The following ARL5A variants were observed in gnomAD, a reference collection of about 807,000 sequenced individuals.
ARL5A encodes ARF like GTPase 5A.
In ARL5A, 18 loss-of-function variants were observed where a neutral mutation model predicts 25.9. That is an observed-to-expected ratio of 0.69 (90% confidence interval 0.48 to 1.03). The LOEUF is 1.03. ARL5A is among the 50% of genes least tolerant of loss of function. The probability of loss-of-function intolerance (pLI) is 0.00; values close to 1 mark genes in which losing one functional copy is unlikely to be tolerated. For missense variants in ARL5A, 170 were observed against 211.9 expected (o/e 0.80, Z 1.23); for synonymous variants, 61 against 67.5 (o/e 0.90, Z 0.47).
Position 151,802,798 on chromosome 2 carries a change from G to C in ARL5A, c.*478C>G, listed in dbSNP as rs547140895. The C allele has an allele frequency of 6.5e-6, 1 of 153,004 alleles. No individual in the cohort carries two copies. Among genetic ancestry groups the C allele is most frequent in the Non-Finnish European group, 1.5e-5 (1 of 68,432 alleles). 9.5% of individuals were successfully genotyped at this position (153,004 alleles called of 1,614,324 possible). ...AAATCAATGCCATTAACTTGAACTT[G>C]AGGTATATACACAATACACACACAA... On this transcript the variant is annotated 3_prime_UTR_variant, in exon 6 of 6. Coordinates refer to ENST00000295087, the MANE Select transcript of ARL5A (RefSeq NM_012097.4).
At chr2:151,828,064 A>AC (rs1330513051) in intron 1 of ARL5A, 67 bp downstream of exon 1, 38 of 1,510,816 alleles carry the variant, frequency 2.5e-5, no homozygotes, top group Non-Finnish European at 2.6e-5. Flanking sequence ...GTATTCGGAG[A>AC]CCCCCACCTA....
chr2:151,827,781 C>G (rs2099833286), intron 1 of ARL5A: 1 of 318,700 alleles, frequency 3.1e-6, no homozygotes, highest in Admixed American at 5.6e-5. Flanking sequence ...CCAAACACAA[C>G]TGGTGAGCAA....
intron 5 of ARL5A, among the ~76,000 whole-genome samples, chr2:151,805,439 C>G (rs1402560249): frequency 6.6e-6 from 1 of 152,172 alleles, no homozygotes; most frequent in East Asian, 1.9e-4. Context: ...CAACCCCAAA[C>G]TTAAGACTTC....
At chr2:151,813,280 C>T (rs991981393) in intron 3 of ARL5A, among the ~76,000 whole-genome samples, 1 of 152,116 alleles carries the variant, frequency 6.6e-6, no homozygotes, top group Admixed American at 6.5e-5. Context: ...AACCAAAAGG[C>T]AGATGTATGA....
chr2:151,806,798 C>T, intron 5 of ARL5A, 23 bp downstream of exon 5: 1 of 1,585,212 alleles, frequency 6.3e-7, no homozygotes, highest in Non-Finnish European at 8.5e-7. Flanking sequence ...TGTTCGATAA[C>T]ATTTAAGAGG....
In ARL5A at chr2:151,801,349, C is replaced by T. The variant is rs2099829393; in HGVS notation, c.*1927G>A. 1 of 152,198 alleles carries T rather than the reference C, an allele frequency of 6.6e-6. No homozygotes were observed. The highest frequency in any genetic ancestry group is 2.4e-5 in the African/African-American group (1 of 41,538). 9.4% of individuals were successfully genotyped at this position (152,198 alleles called of 1,614,324 possible). Reference sequence around the variant, plus strand: ...TGTGGCAGTAATCCAAGGGACTAAGCACATGATTATTCAAATTAAAACATA... The same window carrying T: ...TGTGGCAGTAATCCAAGGGACTAAGTACATGATTATTCAAATTAAAACATA... On this transcript the variant is annotated 3_prime_UTR_variant, in exon 6 of 6. Transcript: ENST00000295087.
intron 1 of ARL5A, among the ~76,000 whole-genome samples, chr2:151,818,644 A>C (rs903150824): frequency 2.0e-5 from 3 of 152,208 alleles, no homozygotes; most frequent in African/African-American, 7.2e-5. Context: ...GGGACAAGGT[A>C]CCTTTGCACC....
At position 151,803,102 on chromosome 2, in the gene ARL5A, A is replaced by G; in HGVS notation, c.*174T>C. 1.8e-6 allele frequency: 1 copy of G among 542,050 alleles called. No homozygotes were observed. The highest frequency in any genetic ancestry group is 3.3e-6 in the Non-Finnish European group (1 of 303,572). 33.6% of individuals were successfully genotyped at this position (542,050 alleles called of 1,614,324 possible). On this transcript the variant is annotated 3_prime_UTR_variant, in exon 6 of 6. Coordinates refer to ENST00000295087, the MANE Select transcript of ARL5A (RefSeq NM_012097.4). ...TTGGAAAAAACTAATGAGAAAGCAA[A>G]CTGGAAGGTGAGACTTCATCTTTGT...
intron 4 of ARL5A, 81 bp from the exon 5 acceptor site, chr2:151,807,053 T>C: frequency 7.5e-7 from 1 of 1,325,792 alleles, no homozygotes; most frequent in South Asian, 1.5e-5. Context: ...TTTTTCACAA[T>C]CTTAGTAAAC....
At position 151,806,926 on chromosome 2, in the gene ARL5A, A is replaced by C; in HGVS notation, c.386T>G (p.Val129Gly). ...GLLIFANKQD[V>G]KECMTVAEIS... is the part of the protein sequence containing the mutation. The stretch of plus-strand genomic sequence containing the variant: ...TTCTGCTACAGTCATGCATTCTTTA[A>C]CATCTTGTTTATTAGCAAAAATCAG... The change falls in exon 5 of 6, where the codon GTT becomes GGT. Residue 129 changes from valine to glycine, a missense_variant. By Grantham distance (109) the Val-to-Gly change is moderately radical. Transcript: ENST00000295087. 3 of 1,612,874 alleles carry C rather than the reference A, an allele frequency of 1.9e-6. No homozygotes were observed. Among genetic ancestry groups the C allele is most frequent in the Non-Finnish European group, 2.5e-6 (3 of 1,179,526 alleles).
rs1553735345 is a variant in ARL5A at position 151,828,191 on chromosome 2, C to CG, written c.-16_-15insC. The CG allele has an allele frequency of 8.8e-6, 12 of 1,370,582 alleles. No individual in the cohort carries two copies. The highest frequency in any genetic ancestry group is 5.0e-5 in the South Asian group (4 of 80,036). 84.9% of individuals were successfully genotyped at this position (1,370,582 alleles called of 1,614,324 possible). A position where few individuals can be genotyped will look rare whatever the true frequency, so the allele number is the denominator to read the frequency against. ...AGAATTCCCATTCTCGGGCAGCGGACCCCCCCCCTCCAGACACCCGGGCCG... is the reference window on the plus strand; with the variant it reads ...AGAATTCCCATTCTCGGGCAGCGGACGCCCCCCCCTCCAGACACCCGGGCCG... On this transcript the variant is annotated 5_prime_UTR_variant, in exon 1 of 6. Transcript: ENST00000295087.
chr2:151,804,595 G>C (rs1288799091), intron 5 of ARL5A, among the ~76,000 whole-genome samples: 2 of 152,044 alleles, frequency 1.3e-5, no homozygotes, highest in Admixed American at 1.3e-4. Flanking sequence ...CTACTGATAG[G>C]AAACAGTACA....
intron 2 of ARL5A, among the ~76,000 whole-genome samples, chr2:151,814,590 G>A (rs1024476092): frequency 1.3e-5 from 2 of 151,830 alleles, no homozygotes; most frequent in African/African-American, 4.8e-5. Flanking sequence ...CCGGAGTGTA[G>A]TGGTGTGATC....
At chr2:151,804,541 T>C (rs2099829842) in intron 5 of ARL5A, among the ~76,000 whole-genome samples, 1 of 152,142 alleles carries the variant, frequency 6.6e-6, no homozygotes, top group African/African-American at 2.4e-5. Flanking sequence ...TTTGGGGTGG[T>C]TGTCCCATAC....
chr2:151,827,553 T>G (rs2099833239), intron 1 of ARL5A: 1 of 152,020 alleles, frequency 6.6e-6, no homozygotes, highest in Admixed American at 6.6e-5. Context: ...TGGAGAGAAG[T>G]CCATCTCTAT....
chr2:151,828,016 G>T, intron 1 of ARL5A, 115 bp downstream of exon 1: 1 of 1,140,728 alleles, frequency 8.8e-7, no homozygotes, highest in Non-Finnish European at 1.3e-6. Context: ...TGCACCCCGC[G>T]CTGAGCTGGC....
Position 151,803,106 on chromosome 2 carries a change from G to T in ARL5A, c.*170C>A. On this transcript the variant is annotated 3_prime_UTR_variant, in exon 6 of 6. Transcript: ENST00000295087. ...AAAAAACTAATGAGAAAGCAAACTG[G>T]AAGGTGAGACTTCATCTTTGTTTTC... 1.8e-6 allele frequency: 1 copy of T among 542,104 alleles called. No individual in the cohort carries two copies. The highest frequency in any genetic ancestry group is 3.3e-6 in the Non-Finnish European group (1 of 303,954). The allele number at this position is 542,104 out of a possible 1,614,324, so 33.6% of individuals were successfully genotyped here. A position where few individuals can be genotyped will look rare whatever the true frequency, so the allele number is the denominator to read the frequency against.
intron 4 of ARL5A, among the ~76,000 whole-genome samples, chr2:151,811,931 G>A (rs887366575): frequency 1.3e-5 from 2 of 152,132 alleles, no homozygotes; most frequent in Non-Finnish European, 2.9e-5. Flanking sequence ...TAGTCAAAGG[G>A]ACAATATCAG....
intron 1 of ARL5A, among the ~76,000 whole-genome samples, chr2:151,823,344 G>C (rs2099832609): frequency 6.6e-6 from 1 of 151,860 alleles, no homozygotes; most frequent in Non-Finnish European, 1.5e-5. Flanking sequence ...ACAATAAAAA[G>C]AAAGTTTGAA....
Sources: allele counts gnomAD v4.1 joint callset (sites outside exome capture counted in the v4.1 genomes callset), GRCh38; gene constraint gnomAD v4.1.1; transcripts MANE v1.5; gene names NCBI Gene and HGNC (gene_info 2026-07-23, HGNC 2026-07-21).